Variants in DGLUCY observed in about 807,000 individuals in gnomAD.
The protein encoded by DGLUCY is D-glutamate cyclase, mitochondrial.
DGLUCY carries 58 observed loss-of-function variants against 58.5 expected under a neutral mutation model. That is an observed-to-expected ratio of 0.99 (90% confidence interval 0.80 to 1.23). The LOEUF is 1.23. Among genes scored for constraint, DGLUCY ranks in the 50% most tolerant of loss-of-function variants. The pLI, the probability that DGLUCY is intolerant of heterozygous loss-of-function variation, is 0.00. For missense variants in DGLUCY, 779 were observed against 784.7 expected (o/e 0.99, Z 0.09); for synonymous variants, 325 against 314.1 (o/e 1.03, Z -0.37).
chr14:91,221,101 G>C (rs1198061969), intron 13 of DGLUCY, among the ~76,000 whole-genome samples: 2 of 152,228 alleles, frequency 1.3e-5, no homozygotes, highest in Non-Finnish European at 2.9e-5. Context: ...CAGGCTCCCA[G>C]CCCCTCTCTG....
intron 1 of DGLUCY, among the ~76,000 whole-genome samples, chr14:91,088,165 A>G (rs555526244): frequency 6.6e-6 from 1 of 152,282 alleles, no homozygotes; most frequent in East Asian, 1.9e-4. Flanking sequence ...AAGTCAGTAT[A>G]TGTGCAAAGT....
chr14:91,219,770 A>G (rs1481438315), intron 13 of DGLUCY, among the ~76,000 whole-genome samples: 1 of 152,198 alleles, frequency 6.6e-6, no homozygotes, highest in Non-Finnish European at 1.5e-5. Flanking sequence ...ATCAAGGGCC[A>G]AGAGCCACTT....
intron 5 of DGLUCY, among the ~76,000 whole-genome samples, chr14:91,172,503 T>A (rs1372934900): frequency 6.6e-6 from 1 of 152,224 alleles, no homozygotes; most frequent in Non-Finnish European, 1.5e-5. Context: ...ATCACAGATA[T>A]CTTCATATCA....
chr14:91,108,304 T>TA (rs1265366399), intron 1 of DGLUCY, among the ~76,000 whole-genome samples: 1 of 151,944 alleles, frequency 6.6e-6, no homozygotes, highest in Non-Finnish European at 1.5e-5. Context: ...ACTTTGATTT[T>TA]AAAAAAATTA....
At chr14:91,149,018 C>T (rs2047162710) in intron 1 of DGLUCY, among the ~76,000 whole-genome samples, 1 of 151,806 alleles carries the variant, frequency 6.6e-6, no homozygotes, top group Non-Finnish European at 1.5e-5. Context: ...GAGGCCGAGG[C>T]GGGTGGATCA....
At chr14:91,165,539 C>T (rs1462063438) in intron 3 of DGLUCY, among the ~76,000 whole-genome samples, 1 of 152,208 alleles carries the variant, frequency 6.6e-6, no homozygotes, top group Admixed American at 6.5e-5. Context: ...GAGGTCTTCT[C>T]CTGTAGCTCT....
At chr14:91,105,260 A>G (rs2044569242), upstream of DGLUCY, among the ~76,000 whole-genome samples, 1 of 152,136 alleles carries the variant, frequency 6.6e-6, no homozygotes, top group Non-Finnish European at 1.5e-5. Context: ...CGTTGCAGTG[A>G]GCCAAAATCT....
intron 1 of DGLUCY, among the ~76,000 whole-genome samples, chr14:91,098,839 G>A (rs974133367): frequency 9.9e-5 from 15 of 152,246 alleles, no homozygotes; most frequent in African/African-American, 3.4e-4. Context: ...TGGAATGAGA[G>A]TAAGGGACTT....
intron 13 of DGLUCY, chr14:91,216,110 A>C (rs893926858): frequency 2.7e-5 from 6 of 221,090 alleles, no homozygotes; most frequent in African/African-American, 6.9e-5. Flanking sequence ...GAATGGGGGG[A>C]GCAGGGGCTT....
At chr14:91,128,362 G>A (rs1243000044) in intron 1 of DGLUCY, among the ~76,000 whole-genome samples, 1 of 151,132 alleles carries the variant, frequency 6.6e-6, no homozygotes, top group Non-Finnish European at 1.5e-5. Context: ...GGGGGTGGTG[G>A]CATGTGCCTG....
upstream of DGLUCY, among the ~76,000 whole-genome samples, chr14:91,110,743 T>C (rs1395691266): frequency 2.0e-5 from 3 of 152,094 alleles, no homozygotes; most frequent in African/African-American, 7.2e-5. Context: ...GCCAATAGTT[T>C]GGGTTTCTAA....
At chr14:91,214,484 G>A (rs1344004274) in intron 12 of DGLUCY, among the ~76,000 whole-genome samples, 33 of 152,242 alleles carry the variant, frequency 2.2e-4, no homozygotes, top group Admixed American at 1.8e-3. Context: ...GCGATCCAGC[G>A]CGACGGGGCT....
At chr14:91,103,333 A>G (rs2044526562), upstream of DGLUCY, among the ~76,000 whole-genome samples, 1 of 151,994 alleles carries the variant, frequency 6.6e-6, no homozygotes, top group South Asian at 2.1e-4. Context: ...CGGCCTAGCA[A>G]TCCTTCCCCC....
chr14:91,225,178 G>A lies in DGLUCY; in HGVS notation c.*345G>A, dbSNP rs141359028. 430 of 174,056 alleles carry A rather than the reference G, an allele frequency of 2.5e-3. 2 individuals carry two copies. The highest frequency in any genetic ancestry group is 9.4e-3 in the African/African-American group (398 of 42,438). 10.8% of individuals were successfully genotyped at this position (174,056 alleles called of 1,614,324 possible). A position where few individuals can be genotyped will look rare whatever the true frequency, so the allele number is the denominator to read the frequency against. On this transcript the variant is annotated 3_prime_UTR_variant, in exon 14 of 14. Transcript: ENST00000256324. Reference sequence around the variant, plus strand: ...TGGGGACACTTGTGAACAATTAACTGCCAGGCAGAGCATGAGAACAAACAT... The same window carrying A: ...TGGGGACACTTGTGAACAATTAACTACCAGGCAGAGCATGAGAACAAACAT...
chr14:91,117,620 T>C (rs2045055283), intron 1 of DGLUCY, among the ~76,000 whole-genome samples: 1 of 151,182 alleles, frequency 6.6e-6, no homozygotes, highest in Non-Finnish European at 1.5e-5. Flanking sequence ...GAACAATGCC[T>C]GGCACAGAGT....
intron 1 of DGLUCY, among the ~76,000 whole-genome samples, chr14:91,083,301 C>G (rs1293418370): frequency 6.6e-6 from 1 of 152,152 alleles, no homozygotes; most frequent in Non-Finnish European, 1.5e-5. Context: ...GCAAGTGGAT[C>G]ACCTGAGGTC....
At position 91,199,773 on chromosome 14, in the gene DGLUCY, G is replaced by A; in HGVS notation, c.1312G>A (p.Ala438Thr). The change falls in exon 11 of 14, where the codon GCC (alanine) becomes ACC (threonine). Residue 438 changes from alanine (A) to threonine (T), a missense_variant. Physicochemically the swap from Ala to Thr is moderately conservative, Grantham distance 58. Transcript: ENST00000256324. ...TCCCGGCAGATTTGACCACCTGGTGGCCATAGAGCGTGCCGGAAGAGCTGC... is the reference window on the plus strand; with the variant it reads ...TCCCGGCAGATTTGACCACCTGGTGACCATAGAGCGTGCCGGAAGAGCTGC... ...PQTPRFDHLV[A>T]IERAGRAADG... is the part of the protein sequence containing the mutation. 1.2e-6 allele frequency: 2 copies of A among 1,614,156 alleles called. No individual in the cohort carries two copies. Among genetic ancestry groups the A allele is most frequent in the African/African-American group, 1.3e-5 (1 of 75,058 alleles).
chr14:91,166,421 T>A (rs2140375298), intron 3 of DGLUCY, among the ~76,000 whole-genome samples: 1 of 152,252 alleles, frequency 6.6e-6, no homozygotes, highest in Admixed American at 6.5e-5. Context: ...GCCCAGCACT[T>A]TGGGAGGCCA....
intron 1 of DGLUCY, among the ~76,000 whole-genome samples, chr14:91,139,639 C>T (rs1314213144): frequency 6.6e-6 from 1 of 152,134 alleles, no homozygotes; most frequent in Non-Finnish European, 1.5e-5. Context: ...GCGCCGAGAT[C>T]GTGCCACTGC....
Sources: allele counts gnomAD v4.1 joint callset (sites outside exome capture counted in the v4.1 genomes callset), GRCh38; gene constraint gnomAD v4.1.1; transcripts MANE v1.5; gene names NCBI Gene and HGNC (gene_info 2026-07-23, HGNC 2026-07-21).